Variants in VMO1 observed in about 807,000 individuals in gnomAD.
The protein encoded by VMO1 is vitelline membrane outer layer protein 1 homolog.
In VMO1, 13 loss-of-function variants were observed where a neutral mutation model predicts 10.1. The observed-to-expected ratio is 1.29, with a 90% confidence interval of 0.84 to 2.05. VMO1 has a LOEUF of 2.05. Ranked by LOEUF, VMO1 falls within the 30% of genes most tolerant of loss-of-function variation. The pLI, the probability that VMO1 is intolerant of heterozygous loss-of-function variation, is 0.00. For missense variants in VMO1, 304 were observed against 276.9 expected (o/e 1.10, Z -0.70); for synonymous variants, 117 against 122.2 (o/e 0.96, Z 0.28).
Position 4,785,845 on chromosome 17 carries a change from G to A in VMO1, c.311+92C>T, listed in dbSNP as rs1448411400. ...CCGGTCTATACTGCCCCGTAGCTCT[G>A]GCGGAGCCAGCCTGCCTGTTGCGAC... On this transcript the variant is annotated intron_variant, in intron 2 of 2. Transcript: ENST00000328739. 3 of 1,579,320 alleles carry A rather than the reference G, an allele frequency of 1.9e-6. No individual in the cohort carries two copies. In the African/African-American group the frequency reaches 4.0e-5, roughly 21 times the overall value.
intron 1 of VMO1, 21 bp downstream of exon 1, chr17:4,786,137 G>C: frequency 6.2e-7 from 1 of 1,607,010 alleles, no homozygotes; most frequent in Non-Finnish European, 8.5e-7. Context: ...CCCTCTCCAG[G>C]ACCTACGCCT....
chr17:4,786,259 A>G lies in VMO1; in HGVS notation c.94T>C (p.Tyr32His). The G allele has an allele frequency of 1.2e-6, 2 of 1,612,278 alleles. No individual in the cohort carries two copies. The highest frequency in any genetic ancestry group is 1.7e-6 in the Non-Finnish European group (2 of 1,179,596). ...TCAQTDGRNG[Y>H]TAVIEVTSGG... ...CTGGTCACTTCGATGACCGCCGTGT[A>G]GCCGTTCCGGCCATCTGTCTGTGCA... Residue 32 changes from tyrosine to histidine, a missense_variant, in exon 1 of 3, where the codon TAC (tyrosine) becomes CAC (histidine). By Grantham distance (83) the Tyr-to-His change is moderately conservative. Coordinates refer to ENST00000328739, the MANE Select transcript of VMO1 (RefSeq NM_182566.3).
In VMO1 at chr17:4,785,561, G is replaced by A; in HGVS notation, c.410C>T (p.Thr137Ile). 1.2e-6 allele frequency: 2 copies of A among 1,614,132 alleles called. No homozygotes were observed. The highest frequency in any genetic ancestry group is 1.7e-6 in the Non-Finnish European group (2 of 1,180,048). ...VEAPTTLGDN[T>I]AANNVRFRCS... is the part of the protein sequence containing the mutation. ...GCGGAAGCGCACGTTGTTCGCTGCT[G>A]TGTTGTCACCGAGGGTCGTGGGTGC... The change falls in exon 3 of 3, where the codon ACA becomes ATA. Residue 137 changes from threonine (T) to isoleucine (I), a missense_variant. By Grantham distance (89) the Thr-to-Ile change is moderately conservative. Coordinates refer to ENST00000328739, the MANE Select transcript of VMO1 (RefSeq NM_182566.3).
At position 4,786,036 on chromosome 17, in the gene VMO1, C is replaced by G; in HGVS notation, c.212G>C (p.Gly71Ala). ...GFSLKVEPPQGIPGDDTALNG... is the reference protein window; with the variant it reads ...GFSLKVEPPQAIPGDDTALNG... ...CAGTGCAGTGTCGTCGCCAGGAATG[C>G]CTTGGGGAGGCTCCACCTGGGTATC... is the stretch of plus-strand genomic sequence containing the variant. Residue 71 changes from glycine to alanine, a missense_variant, in exon 2 of 3, where the codon GGC becomes GCC. By Grantham distance (60) the Gly-to-Ala change is moderately conservative (BLOSUM62 0). Transcript: ENST00000328739. 1 of 1,614,220 alleles carries G rather than the reference C, an allele frequency of 6.2e-7. No individual in the cohort carries two copies. The highest frequency in any genetic ancestry group is 8.5e-7 in the Non-Finnish European group (1 of 1,180,036).
In VMO1 at chr17:4,785,583, G is replaced by C. The variant is rs1224255778; in HGVS notation, c.388C>G (p.Pro130Ala). ...LVAFSLRVEA[P>A]TTLGDNTAAN... ...GCTGTGTTGTCACCGAGGGTCGTGG[G>C]TGCCTCCACGCGAAGCGAGAAAGCC... Residue 130 changes from proline (P) to alanine (A), a missense_variant, in exon 3 of 3, where the codon CCC becomes GCC. Transcript: ENST00000328739. 6.2e-7 allele frequency: 1 copy of C among 1,613,722 alleles called. No homozygotes were observed. Among genetic ancestry groups the C allele is most frequent in the Non-Finnish European group, 8.5e-7 (1 of 1,180,046 alleles).
rs764539141 is a variant in VMO1, at chr17:4,786,312, A to C, written c.41T>G (p.Leu14Arg). 7 of 1,602,680 alleles carry C rather than the reference A, an allele frequency of 4.4e-6. No individual in the cohort carries two copies. Among genetic ancestry groups the C allele is most frequent in the African/African-American group, 1.3e-5 (1 of 74,802 alleles). ...GAGAKLLPLLLLLRATGFTCA... is the reference protein window; with the variant it reads ...GAGAKLLPLLRLLRATGFTCA... ...TGTGAAACCAGTCGCCCGCAGAAGC[A>C]GCAGCAGCGGCAGCAGCTTGGCTCC... Residue 14 changes from leucine to arginine, a missense_variant, in exon 1 of 3, where the codon CTG becomes CGG. Transcript: ENST00000328739.
Position 4,786,004 on chromosome 17 carries a change from TC to T in VMO1, c.243del (p.Ile82SerfsTer11). The T allele has an allele frequency of 6.2e-7, 1 of 1,614,112 alleles. No homozygotes were observed. The highest frequency in any genetic ancestry group is 2.2e-5 in the East Asian group (1 of 44,866). On this transcript the variant is annotated frameshift_variant, in exon 2 of 3. Transcript: ENST00000328739. LOFTEE classifies it high-confidence loss of function. ...TTCCCGCGCGCGCAGTGCAGCCTGA[TC>T]CCATTCAGTGCAGTGTCGTCGCCAG... ...GIPGDDTALN[G>X]IRLHCARGNV...
At position 4,785,468 on chromosome 17, in the gene VMO1, T is replaced by C; in HGVS notation, c.503A>G (p.His168Arg). The C allele has an allele frequency of 2.5e-6, 4 of 1,614,176 alleles. No homozygotes were observed. The highest frequency in any genetic ancestry group is 3.4e-6 in the Non-Finnish European group (4 of 1,180,038). Residue 168 changes from histidine (H) to arginine (R), a missense_variant, in exon 3 of 3, where the codon CAT becomes CGT. Physicochemically the swap from His to Arg is conservative, Grantham distance 29. Coordinates refer to ENST00000328739, the MANE Select transcript of VMO1 (RefSeq NM_182566.3). ...SWGDFGDWSD[H>R]CPKGACGLQT... Reference sequence around the variant, plus strand: ...CAGGCCGCACGCGCCCTTGGGGCAATGGTCACTCCAGTCTCCAAAGTCTCC... The same window carrying C: ...CAGGCCGCACGCGCCCTTGGGGCAACGGTCACTCCAGTCTCCAAAGTCTCC...
intron 2 of VMO1, 135 bp from the exon 3 acceptor site, chr17:4,785,794 G>A: frequency 6.6e-7 from 1 of 1,521,418 alleles, no homozygotes; most frequent in South Asian, 1.2e-5. Flanking sequence ...AGCGGAGGAG[G>A]GGTCTTCCAT....
Position 4,785,462 on chromosome 17 carries a change from G to A in VMO1, c.509C>T (p.Pro170Leu). Residue 170 changes from proline to leucine, a missense_variant, in exon 3 of 3, where the codon CCC becomes CTC. By Grantham distance (98) the Pro-to-Leu change is moderately conservative. Coordinates refer to ENST00000328739, the MANE Select transcript of VMO1 (RefSeq NM_182566.3). ...GGTCTGCAGGCCGCACGCGCCCTTG[G>A]GGCAATGGTCACTCCAGTCTCCAAA... ...GDFGDWSDHC[P>L]KGACGLQTKI... 1 of 1,614,222 alleles carries A rather than the reference G, an allele frequency of 6.2e-7. No individual in the cohort carries two copies.
Position 4,785,395 on chromosome 17 carries a change from C to T in VMO1, c.576G>A (p.Leu192=), listed in dbSNP as rs754135897. The change falls in exon 3 of 3, where the codon CTG becomes CTA. Residue 192 remains leucine (L), a synonymous_variant. Coordinates refer to ENST00000328739, the MANE Select transcript of VMO1 (RefSeq NM_182566.3). ...GPRGLGDDTA[L]NDARLFCCRS is the part of the protein sequence containing the mutation. ...GGCAGCAGAATAAGCGCGCGTCGTTCAGCGCAGTGTCATCGCCGAGGCCTC... is the reference window on the plus strand; with the variant it reads ...GGCAGCAGAATAAGCGCGCGTCGTTTAGCGCAGTGTCATCGCCGAGGCCTC... 3.1e-6 allele frequency: 5 copies of T among 1,612,890 alleles called. No homozygotes were observed. Among genetic ancestry groups the T allele is most frequent in the South Asian group, 1.1e-5 (1 of 91,024 alleles).
rs1490950092 is a variant in VMO1 at position 4,785,966 on chromosome 17, A to G, written c.282T>C (p.Asn94=). The change falls in exon 2 of 3, where the codon AAT becomes AAC. Residue 94 remains asparagine, a synonymous_variant. Transcript: ENST00000328739. ...CAGACTGGGACTCTACCACGTGCGT[A>G]TTGCCTAGGACGTTCCCGCGCGCGC... ...LHCARGNVLG[N]THVVESQSGS... is the part of the protein sequence containing the mutation. 1 of 1,614,052 alleles carries G rather than the reference A, an allele frequency of 6.2e-7. No homozygotes were observed. Among genetic ancestry groups the G allele is most frequent in the East Asian group, 2.2e-5 (1 of 44,854 alleles).
intron 2 of VMO1, 129 bp downstream of exon 2, chr17:4,785,807 AC>A: frequency 6.5e-7 from 1 of 1,529,462 alleles, no homozygotes; most frequent in African/African-American, 1.4e-5. Flanking sequence ...TCTTCCATCC[AC>A]CCTTCGCCTC....
intron 2 of VMO1, 68 bp from the exon 3 acceptor site, chr17:4,785,727 A>G: frequency 6.5e-6 from 10 of 1,532,048 alleles, no homozygotes; most frequent in Non-Finnish European, 8.8e-6. Flanking sequence ...AGACTTTCCA[A>G]GCCAAGTGCT....
Position 4,786,164 on chromosome 17 carries a change from C to T in VMO1, c.189G>A (p.Ser63=). The change falls in exon 1 of 3, where the codon TCG becomes TCA. Residue 63 remains serine, a synonymous_variant. Coordinates refer to ENST00000328739, the MANE Select transcript of VMO1 (RefSeq NM_182566.3). ...CPDGFFASGF[S]LKVEPPQGIP... ...CCTACGCCTGAGCCCCAACCTTGAGCGAGAACCCGCTGGCGAAGAATCCAT... is the reference window on the plus strand; with the variant it reads ...CCTACGCCTGAGCCCCAACCTTGAGTGAGAACCCGCTGGCGAAGAATCCAT... The T allele has an allele frequency of 1.2e-6, 2 of 1,601,982 alleles. No homozygotes were observed. Among genetic ancestry groups the T allele is most frequent in the South Asian group, 1.1e-5 (1 of 90,200 alleles).
intron 2 of VMO1, 66 bp downstream of exon 2, chr17:4,785,871 G>A (rs780627315): frequency 6.2e-7 from 1 of 1,603,510 alleles, no homozygotes; most frequent in Admixed American, 1.7e-5. Context: ...CTGTTGCGAC[G>A]GAGTATGTAA....
At position 4,786,019 on chromosome 17, in the gene VMO1, T is replaced by A. The variant is rs752682487; in HGVS notation, c.229A>T (p.Thr77Ser). ...EPPQGIPGDD[T>S]ALNGIRLHCA... Reference sequence around the variant, plus strand: ...TGCAGCCTGATCCCATTCAGTGCAGTGTCGTCGCCAGGAATGCCTTGGGGA... The same window carrying A: ...TGCAGCCTGATCCCATTCAGTGCAGAGTCGTCGCCAGGAATGCCTTGGGGA... The change falls in exon 2 of 3, where the codon ACT becomes TCT. Residue 77 changes from threonine (T) to serine (S), a missense_variant. Coordinates refer to ENST00000328739, the MANE Select transcript of VMO1 (RefSeq NM_182566.3). The A allele has an allele frequency of 1.2e-4, 186 of 1,614,058 alleles. No individual in the cohort carries two copies. The highest frequency in any genetic ancestry group is 1.5e-4 in the Non-Finnish European group (179 of 1,180,026).
chr17:4,786,013 G>C lies in VMO1; in HGVS notation c.235C>G (p.Leu79Val), dbSNP rs1297734020. ...GCGCAGTGCAGCCTGATCCCATTCA[G>C]TGCAGTGTCGTCGCCAGGAATGCCT... ...PQGIPGDDTA[L>V]NGIRLHCARG... Residue 79 changes from leucine (L) to valine (V), a missense_variant, in exon 2 of 3, where the codon CTG becomes GTG. Leu to Val is a conservative substitution (Grantham distance 32). Coordinates refer to ENST00000328739, the MANE Select transcript of VMO1 (RefSeq NM_182566.3). The C allele has an allele frequency of 1.2e-6, 2 of 1,614,090 alleles. No homozygotes were observed. The highest frequency in any genetic ancestry group is 4.5e-5 in the East Asian group (2 of 44,896).
rs1426203065 is a variant in VMO1, at chr17:4,785,976, A to T, written c.272T>A (p.Val91Asp). The T allele has an allele frequency of 6.2e-7, 1 of 1,614,118 alleles. No homozygotes were observed. Among genetic ancestry groups the T allele is most frequent in the East Asian group, 2.2e-5 (1 of 44,868 alleles). Residue 91 changes from valine (V) to aspartate (D), a missense_variant, in exon 2 of 3, where the codon GTC becomes GAC. Coordinates refer to ENST00000328739, the MANE Select transcript of VMO1 (RefSeq NM_182566.3). ...CTCTACCACGTGCGTATTGCCTAGG[A>T]CGTTCCCGCGCGCGCAGTGCAGCCT... Reference protein sequence around the residue: ...GIRLHCARGNVLGNTHVVESQ... With the variant: ...GIRLHCARGNDLGNTHVVESQ...
Sources: gnomAD v4.1 joint callset for allele counts on GRCh38, gnomAD v4.1.1 for gene constraint, MANE v1.5 for transcripts, NCBI Gene and HGNC (gene_info 2026-07-23, HGNC 2026-07-21) for gene names.